Variants in TATDN1 observed in about 807,000 individuals in gnomAD.
The protein encoded by TATDN1 is deoxyribonuclease TATDN1.
TATDN1 carries 40 observed loss-of-function variants against 46.4 expected under a neutral mutation model. That is an observed-to-expected ratio of 0.86 (90% confidence interval 0.67 to 1.12). The LOEUF is 1.12. TATDN1 is among the 50% of genes most tolerant of loss of function. TATDN1 has a pLI of 0.00. For synonymous variants in TATDN1, 95 were observed against 105.6 expected, an observed-to-expected ratio of 0.90 and a Z score of 0.62; for missense variants, 326 against 348.4, an observed-to-expected ratio of 0.94 and a Z score of 0.51.
chr8:124,503,396 A>G (rs564672820), intron 9 of TATDN1, among the ~76,000 whole-genome samples: 149 of 152,286 alleles, frequency 9.8e-4, no homozygotes, highest in African/African-American at 3.4e-3. Flanking sequence ...ATCTGTTAGT[A>G]CTACTTGACT....
chr8:124,532,059 A>G (rs1386080584), intron 1 of TATDN1, among the ~76,000 whole-genome samples: 1 of 151,386 alleles, frequency 6.6e-6, no homozygotes, highest in Non-Finnish European at 1.5e-5. Flanking sequence ...TGGGGAGGGG[A>G]GCAAGGAAGA....
chr8:124,489,677 G>A (rs1196225094), intron 11 of TATDN1: 1 of 152,286 alleles, frequency 6.6e-6, no homozygotes, highest in African/African-American at 2.4e-5. Flanking sequence ...GCCTCCCAAA[G>A]TGCTGGGATT....
At chr8:124,510,683 G>A (rs1380078902) in intron 6 of TATDN1, among the ~76,000 whole-genome samples, 1 of 152,036 alleles carries the variant, frequency 6.6e-6, no homozygotes, top group Non-Finnish European at 1.5e-5. Context: ...AATTAGCCAG[G>A]TGTGGTAGCA....
At position 124,524,600 on chromosome 8, in the gene TATDN1, C is replaced by T. The variant is rs1174659474; in HGVS notation, c.23-1598G>A. On this transcript the variant is annotated intron_variant, in intron 1 of 11. Transcript: ENST00000276692. ...GGTCTGTATCTCTTCTAGACCATTT[C>T]CCCTTTGTGCAGTGTTAAGCAAACA... Among the ~76,000 whole-genome samples the T allele has an allele frequency of 2.0e-5, 3 of 152,144 alleles. No homozygotes were observed. In the East Asian group the frequency reaches 5.8e-4, roughly 29 times the overall value.
Position 124,527,244 on chromosome 8 carries a change from C to T in TATDN1, c.23-4242G>A, listed in dbSNP as rs536612436. ...ATGATAAGCAAACATACATGTTACA[C>T]AAACCCCATGTTCACTTTGGGGTGG... On this transcript the variant is annotated intron_variant, in intron 1 of 11. Coordinates refer to ENST00000276692, the MANE Select transcript of TATDN1 (RefSeq NM_032026.4). Among the ~76,000 whole-genome samples the T allele has an allele frequency of 1.2e-4, 19 of 152,332 alleles. No homozygotes were observed. The South Asian group carries it at 3.9e-3, about 32-fold the overall frequency.
intron 1 of TATDN1, among the ~76,000 whole-genome samples, chr8:124,533,938 A>G (rs1821194249): frequency 6.6e-6 from 1 of 151,862 alleles, no homozygotes; most frequent in Admixed American, 6.6e-5. Context: ...CGAGGTCAGG[A>G]GATCGAGACC....
chr8:124,523,419 G>A (rs182971339), intron 1 of TATDN1: 140 of 165,910 alleles, frequency 8.4e-4, no homozygotes, highest in African/African-American at 3.0e-3. Flanking sequence ...AGGAAGCAGC[G>A]GGAGCAAAGC....
At chr8:124,525,991 C>G (rs558790242) in intron 1 of TATDN1, among the ~76,000 whole-genome samples, 1 of 152,332 alleles carries the variant, frequency 6.6e-6, no homozygotes, top group African/African-American at 2.4e-5. Flanking sequence ...GCAGTCCAAG[C>G]TCACTCCCCT....
intron 1 of TATDN1, among the ~76,000 whole-genome samples, chr8:124,535,830 T>C (rs1306818365): frequency 1.3e-5 from 2 of 152,172 alleles, no homozygotes; most frequent in Non-Finnish European, 2.9e-5. Flanking sequence ...CTCAGTAAGC[T>C]TCCAATCCTG....
At chr8:124,528,941 G>C (rs997745418) in intron 1 of TATDN1, among the ~76,000 whole-genome samples, 1 of 152,188 alleles carries the variant, frequency 6.6e-6, no homozygotes, top group African/African-American at 2.4e-5. Context: ...CGAGAAGCCT[G>C]AGTAGGCCTG....
chr8:124,526,701 G>A (rs554944806), intron 1 of TATDN1: 29 of 152,182 alleles, frequency 1.9e-4, no homozygotes, highest in South Asian at 4.2e-4. Context: ...TTGACTTTTC[G>A]TTTTCAAAAC....
intron 1 of TATDN1, among the ~76,000 whole-genome samples, chr8:124,531,132 G>T (rs764867718): frequency 5.3e-5 from 8 of 152,138 alleles, no homozygotes; most frequent in Non-Finnish European, 1.2e-4. Flanking sequence ...GCTGTAAAAA[G>T]ATTCTACAAC....
At chr8:124,533,403 GAGAA>G (rs1821142025) in intron 1 of TATDN1, among the ~76,000 whole-genome samples, 1 of 152,150 alleles carries the variant, frequency 6.6e-6, no homozygotes, top group Admixed American at 6.5e-5. Context: ...TAAATTGAAT[GAGAA>G]ACATATACAA....
chr8:124,525,452 T>C (rs1397734238), intron 1 of TATDN1, among the ~76,000 whole-genome samples: 1 of 152,092 alleles, frequency 6.6e-6, no homozygotes, highest in Non-Finnish European at 1.5e-5. Context: ...CAGCCAGTCT[T>C]AGTAAATTCT....
chr8:124,517,089 T>G (rs981550331), intron 4 of TATDN1, among the ~76,000 whole-genome samples: 3 of 152,230 alleles, frequency 2.0e-5, no homozygotes, highest in African/African-American at 7.2e-5. Context: ...TGTTCTTATA[T>G]ATTTCAAAAA....
intron 6 of TATDN1, among the ~76,000 whole-genome samples, chr8:124,514,745 T>A (rs983742368): frequency 2.6e-5 from 4 of 152,224 alleles, no homozygotes; most frequent in Non-Finnish European, 4.4e-5. Context: ...ACCAGTATGA[T>A]GACAGGAGCT....
At chr8:124,518,929 T>A (rs1396574579) in intron 3 of TATDN1, 48 bp from the exon 4 acceptor site, 5 of 1,290,392 alleles carry the variant, frequency 3.9e-6, no homozygotes, top group Non-Finnish European at 5.6e-6. Context: ...AGGGCAGCAA[T>A]AACAGTTTCC....
At chr8:124,510,803 G>T (rs1818942100) in intron 6 of TATDN1, among the ~76,000 whole-genome samples, 1 of 152,108 alleles carries the variant, frequency 6.6e-6, no homozygotes. Flanking sequence ...CAGCTTGGAT[G>T]ACAGAGTGAG....
intron 9 of TATDN1, among the ~76,000 whole-genome samples, chr8:124,501,763 C>A (rs1817987788): frequency 6.6e-6 from 1 of 151,882 alleles, no homozygotes; most frequent in South Asian, 2.1e-4. Flanking sequence ...AGAGAAAAAT[C>A]AAATTCCAAG....
Sources: gnomAD v4.1 joint callset for allele counts (sites outside exome capture counted in the v4.1 genomes callset) on GRCh38, gnomAD v4.1.1 for gene constraint, MANE v1.5 for transcripts, NCBI Gene and HGNC (gene_info 2026-07-23, HGNC 2026-07-21) for gene names.